The following BRINP1 variants were observed in gnomAD, a reference collection of about 807,000 sequenced individuals.
The protein encoded by BRINP1 is BMP/retinoic acid-inducible neural-specific protein 1.
Under a neutral mutation model 72.9 loss-of-function variants are expected in BRINP1, and 17 were observed. The ratio of observed to expected loss-of-function variants is 0.23; its 90% CI spans 0.16 to 0.35. The LOEUF is 0.35. BRINP1 is among the 10% of genes least tolerant of loss of function. The pLI is 1.00. For synonymous variants in BRINP1, 418 were observed against 378.5 expected, an observed-to-expected ratio of 1.10 and a Z score of -1.21; for missense variants, 850 against 1,001.6, an observed-to-expected ratio of 0.85 and a Z score of 2.04.
intron 1 of BRINP1, among the ~76,000 whole-genome samples, chr9:119,322,745 A>G (rs1318100591): frequency 6.6e-6 from 1 of 152,158 alleles, no homozygotes; most frequent in East Asian, 1.9e-4. Flanking sequence ...CTGCTTCTCC[A>G]GATAAGACTT....
chr9:119,285,281 T>C (rs914534759), intron 2 of BRINP1, among the ~76,000 whole-genome samples: 3 of 151,532 alleles, frequency 2.0e-5, no homozygotes, highest in African/African-American at 7.3e-5. Flanking sequence ...AAGACCATCG[T>C]GGTCTCAGAA....
At chr9:119,197,708 C>CAG (rs1564214635) in intron 7 of BRINP1, among the ~76,000 whole-genome samples, 2 of 44,982 alleles carry the variant, frequency 4.4e-5, no homozygotes, top group Non-Finnish European at 8.2e-5. Flanking sequence ...GTTACATTTC[C>CAG]ACGTTTCTAT....
chr9:119,339,489 A>C (rs772214610), intron 1 of BRINP1, among the ~76,000 whole-genome samples: 1 of 152,258 alleles, frequency 6.6e-6, no homozygotes, highest in Non-Finnish European at 1.5e-5. Context: ...TATATCATCA[A>C]TTCCTAGAAC....
At chr9:119,242,317 A>T in intron 3 of BRINP1, 101 bp from the exon 4 acceptor site, 1 of 926,158 alleles carries the variant, frequency 1.1e-6, no homozygotes, top group Non-Finnish European at 1.6e-6. Flanking sequence ...ATCTCCAACC[A>T]ATGTGGCCCA....
At chr9:119,313,590 A>C (rs1831092082) in intron 1 of BRINP1, among the ~76,000 whole-genome samples, 185 bp from the exon 2 acceptor site, 1 of 152,200 alleles carries the variant, frequency 6.6e-6, no homozygotes. Context: ...GTTCTGGTTA[A>C]AAACATAGAA....
rs201563651 is a variant in BRINP1 at position 119,313,339 on chromosome 9, A to G, written c.17T>C (p.Val6Ala). The change falls in exon 2 of 8, where the codon GTT becomes GCT. Residue 6 changes from valine (V) to alanine (A), a missense_variant. Val to Ala is a moderately conservative substitution (Grantham distance 64, BLOSUM62 0). Transcript: ENST00000265922. ...TATAAACAGGAAGTAGAGGAGCTCA[A>G]CAAACCTCCAGTTCATGCTTTTCTG... MNWRFVELLYFLFIWG... is the reference protein window; with the variant it reads MNWRFAELLYFLFIWG... 10 of 1,613,804 alleles carry G rather than the reference A, an allele frequency of 6.2e-6. No individual in the cohort carries two copies. The highest frequency in any genetic ancestry group is 8.5e-6 in the Non-Finnish European group (10 of 1,180,006).
chr9:119,345,540 G>A (rs566839749), intron 1 of BRINP1, among the ~76,000 whole-genome samples: 29 of 152,242 alleles, frequency 1.9e-4, no homozygotes, highest in African/African-American at 7.0e-4. Flanking sequence ...CTGTTTCATA[G>A]CAATACCCTA....
chr9:119,176,359 A>G (rs1343570616), intron 7 of BRINP1, among the ~76,000 whole-genome samples: 2 of 152,010 alleles, frequency 1.3e-5, no homozygotes, highest in Non-Finnish European at 2.9e-5. Context: ...ACAGAAGCTA[A>G]TTTGCATTGT....
chr9:119,249,022 T>C lies in BRINP1; in HGVS notation c.347A>G (p.Gln116Arg). ...RLLGRRPTTQ[Q>R]FIDTIIKKYG... ...CTTTTTGATGATGGTATCGATGAACTGCTGAGTGGTAGGTCTCCTGCCAAG... is the reference window on the plus strand; with the variant it reads ...CTTTTTGATGATGGTATCGATGAACCGCTGAGTGGTAGGTCTCCTGCCAAG... Residue 116 changes from glutamine to arginine, a missense_variant, in exon 3 of 8, where the codon CAG (glutamine) becomes CGG (arginine). Physicochemically the swap from Gln to Arg is conservative, Grantham distance 43 (BLOSUM62 1). Coordinates refer to ENST00000265922, the MANE Select transcript of BRINP1 (RefSeq NM_014618.3). 1 of 1,614,120 alleles carries C rather than the reference T, an allele frequency of 6.2e-7. No homozygotes were observed. The highest frequency in any genetic ancestry group is 8.5e-7 in the Non-Finnish European group (1 of 1,180,012).
chr9:119,255,524 T>C (rs1830436679), intron 2 of BRINP1, among the ~76,000 whole-genome samples: 1 of 152,162 alleles, frequency 6.6e-6, no homozygotes, highest in Admixed American at 6.5e-5. Flanking sequence ...AATCTTTCTT[T>C]TTAGAGCAAA....
At chr9:119,183,992 C>T (rs1319474006) in intron 7 of BRINP1, among the ~76,000 whole-genome samples, 1 of 152,010 alleles carries the variant, frequency 6.6e-6, no homozygotes, top group Non-Finnish European at 1.5e-5. Context: ...AGAAGCAGTC[C>T]ATAGAAATTA....
At chr9:119,272,518 G>A (rs1057070865) in intron 2 of BRINP1, among the ~76,000 whole-genome samples, 1 of 152,158 alleles carries the variant, frequency 6.6e-6, no homozygotes, top group Admixed American at 6.5e-5. Context: ...CTATCCCCTA[G>A]AACGCTGGGA....
chr9:119,348,999 G>T (rs1378450382), intron 1 of BRINP1, among the ~76,000 whole-genome samples: 1 of 152,136 alleles, frequency 6.6e-6, no homozygotes, highest in Admixed American at 6.5e-5. Context: ...GGCTTTTACA[G>T]GAAATCCAGG....
At chr9:119,247,357 AAG>A (rs1354712631) in intron 3 of BRINP1, among the ~76,000 whole-genome samples, 1 of 152,056 alleles carries the variant, frequency 6.6e-6, no homozygotes, top group East Asian at 1.9e-4. Context: ...GAGTTGGTTA[AAG>A]AGATGACTGA....
chr9:119,362,499 T>C (rs1025990296), intron 1 of BRINP1, among the ~76,000 whole-genome samples: 5 of 152,172 alleles, frequency 3.3e-5, no homozygotes, highest in Admixed American at 3.3e-4. Context: ...GATTTGCAGA[T>C]CGGTACTATT....
chr9:119,239,676 T>C (rs1260257117), intron 4 of BRINP1, among the ~76,000 whole-genome samples: 1 of 152,158 alleles, frequency 6.6e-6, no homozygotes, highest in Non-Finnish European at 1.5e-5. Context: ...ACTTTCTCTT[T>C]CTAAGCCTCA....
chr9:119,357,240 C>T (rs930187864), intron 1 of BRINP1, among the ~76,000 whole-genome samples: 18 of 152,174 alleles, frequency 1.2e-4, no homozygotes, highest in African/African-American at 4.3e-4. Context: ...TTTATACATG[C>T]ACGTGTGCAC....
intron 2 of BRINP1, among the ~76,000 whole-genome samples, chr9:119,252,061 C>T (rs600066): frequency 0.7 from 106,773 of 152,064 alleles, 38,499 homozygotes; most frequent in East Asian, 0.91. Flanking sequence ...TTGGCTTTCC[C>T]GCTCTCTCTG....
intron 1 of BRINP1, among the ~76,000 whole-genome samples, chr9:119,351,370 G>A (rs1831506362): frequency 6.6e-6 from 1 of 152,012 alleles, no homozygotes; most frequent in South Asian, 2.1e-4. Context: ...ATCAAGTTAT[G>A]CCATTGGATC....
Sources: gnomAD v4.1 joint callset for allele counts (sites outside exome capture counted in the v4.1 genomes callset) on GRCh38, gnomAD v4.1.1 for gene constraint, MANE v1.5 for transcripts, NCBI Gene and HGNC (gene_info 2026-07-23, HGNC 2026-07-21) for gene names.